Variants in RANBP17 observed in about 807,000 individuals in gnomAD.
The protein encoded by RANBP17 is RAN binding protein 17.
In RANBP17, 158 loss-of-function variants were observed where a neutral mutation model predicts 141.2. The observed-to-expected ratio is 1.12, with a 90% confidence interval of 0.98 to 1.28. RANBP17 has a LOEUF of 1.28. Ranked by LOEUF, RANBP17 falls within the 50% of genes most tolerant of loss-of-function variation. RANBP17 has a pLI of 0.00. For synonymous variants in RANBP17, 430 were observed against 450.0 expected, an observed-to-expected ratio of 0.96 and a Z score of 0.56; for missense variants, 1,438 against 1,290.7, an observed-to-expected ratio of 1.11 and a Z score of -1.75.
At chr5:171,241,236 C>T in intron 23 of RANBP17, 94 bp downstream of exon 23, 1 of 909,884 alleles carries the variant, frequency 1.1e-6, no homozygotes, top group African/African-American at 1.7e-5. Context: ...AGGGAGTTAG[C>T]CTAGAACATT....
intron 22 of RANBP17, among the ~76,000 whole-genome samples, chr5:171,225,723 G>A (rs189955576): frequency 2.1e-3 from 326 of 152,280 alleles, no homozygotes; most frequent in Non-Finnish European, 3.0e-3. Flanking sequence ...TGATCAGGGC[G>A]GTGCAGAGAG....
chr5:170,874,877 T>C (rs1465074539), intron 1 of RANBP17, among the ~76,000 whole-genome samples: 2 of 152,204 alleles, frequency 1.3e-5, no homozygotes. Flanking sequence ...ATCATGATGC[T>C]AGCTGGTTAT....
chr5:170,985,727 A>G (rs1267028086), intron 14 of RANBP17, among the ~76,000 whole-genome samples: 1 of 152,152 alleles, frequency 6.6e-6, no homozygotes, highest in African/African-American at 2.4e-5. Flanking sequence ...ATGTCATGCT[A>G]TTGTATAAAT....
intron 14 of RANBP17, among the ~76,000 whole-genome samples, chr5:171,120,190 C>G (rs1755928918): frequency 6.6e-6 from 1 of 152,140 alleles, no homozygotes; most frequent in Admixed American, 6.5e-5. Flanking sequence ...ACGTGCTGAG[C>G]CACCTGGAAC....
chr5:171,189,199 ATAAAATT>A (rs1761469598), intron 18 of RANBP17, among the ~76,000 whole-genome samples: 1 of 152,236 alleles, frequency 6.6e-6, no homozygotes, highest in Admixed American at 6.5e-5. Flanking sequence ...CTGGATATAA[ATAAAATT>A]TAAAATCATA....
chr5:171,114,685 G>A (rs575358082), intron 14 of RANBP17, among the ~76,000 whole-genome samples: 36 of 147,696 alleles, frequency 2.4e-4, no homozygotes, highest in Middle Eastern at 3.4e-3. Flanking sequence ...CATTTTAGAA[G>A]CATTATAGAG....
chr5:171,004,890 G>A (rs2127581837), intron 14 of RANBP17, among the ~76,000 whole-genome samples: 1 of 152,308 alleles, frequency 6.6e-6, no homozygotes, highest in Non-Finnish European at 1.5e-5. Flanking sequence ...GCCCCTGCGA[G>A]CTGTGGCTTG....
chr5:170,953,285 A>T (rs1775348753), intron 12 of RANBP17, among the ~76,000 whole-genome samples: 1 of 152,138 alleles, frequency 6.6e-6, no homozygotes, highest in African/African-American at 2.4e-5. Flanking sequence ...CATGGTAGAC[A>T]TTGTTTTTTC....
chr5:171,103,292 C>G (rs1323164008), intron 14 of RANBP17, among the ~76,000 whole-genome samples: 2 of 152,174 alleles, frequency 1.3e-5, no homozygotes, highest in Non-Finnish European at 2.9e-5. Flanking sequence ...TTTAGAGATG[C>G]CCTGCCCAGA....
chr5:171,067,972 C>T (rs1164603092), intron 14 of RANBP17, among the ~76,000 whole-genome samples: 1 of 151,922 alleles, frequency 6.6e-6, no homozygotes, highest in Non-Finnish European at 1.5e-5. Context: ...TTCCTTACTG[C>T]TCCTTTCTCC....
rs757315817 is a variant in RANBP17, at chr5:171,183,225, C to T, written c.1924C>T (p.His642Tyr). The change falls in exon 17 of 28, where the codon CAC (histidine) becomes TAC (tyrosine). Residue 642 changes from histidine to tyrosine, a missense_variant. By Grantham distance (83) the His-to-Tyr change is moderately conservative. Coordinates refer to ENST00000523189, the MANE Select transcript of RANBP17 (RefSeq NM_022897.5). Reference protein sequence around the residue: ...IDAVKFMLKNHTSEHFPFLGI... With the variant: ...IDAVKFMLKNYTSEHFPFLGI... ...TGCTGTGAAATTCATGCTAAAAAAC[C>T]ACACGGTAAGTCTTATTTCTTTAAT... is the stretch of plus-strand genomic sequence containing the variant. 6.4e-5 allele frequency: 102 copies of T among 1,599,060 alleles called. No individual in the cohort carries two copies. The highest frequency in any genetic ancestry group is 8.7e-5 in the Non-Finnish European group (101 of 1,166,678).
chr5:170,993,910 CAA>C (rs1778659539), intron 14 of RANBP17, among the ~76,000 whole-genome samples: 1 of 151,624 alleles, frequency 6.6e-6, no homozygotes, highest in Non-Finnish European at 1.5e-5. Flanking sequence ...ATTTTTTTTC[CAA>C]AATAAACTTG....
chr5:171,084,134 C>A (rs866336578), intron 14 of RANBP17, among the ~76,000 whole-genome samples: 20 of 139,104 alleles, frequency 1.4e-4, no homozygotes, highest in Middle Eastern at 7.4e-3. Flanking sequence ...ACCACAGTCC[C>A]CAGAGTGTGA....
chr5:171,137,247 C>T (rs1341935907), intron 14 of RANBP17, among the ~76,000 whole-genome samples: 1 of 152,072 alleles, frequency 6.6e-6, no homozygotes, highest in Non-Finnish European at 1.5e-5. Flanking sequence ...AGGTCTCTTA[C>T]AATTTGAAAG....
chr5:170,992,760 A>G (rs543943960), intron 14 of RANBP17, among the ~76,000 whole-genome samples: 3 of 151,960 alleles, frequency 2.0e-5, no homozygotes, highest in Non-Finnish European at 2.9e-5. Context: ...TAAGATTTTT[A>G]TGTATATCAA....
intron 20 of RANBP17, among the ~76,000 whole-genome samples, chr5:171,208,454 G>A (rs1762698148): frequency 6.6e-6 from 1 of 152,162 alleles, no homozygotes; most frequent in Non-Finnish European, 1.5e-5. Flanking sequence ...CAGTGCATCT[G>A]ATCTCCTTGT....
At chr5:170,862,775 A>G (rs1294078423) in intron 1 of RANBP17, among the ~76,000 whole-genome samples, 1 of 152,112 alleles carries the variant, frequency 6.6e-6, no homozygotes. Context: ...GCAAACATTT[A>G]TTATCTCCCC....
chr5:171,222,057 T>C (rs1763598468), intron 22 of RANBP17, among the ~76,000 whole-genome samples: 1 of 152,228 alleles, frequency 6.6e-6, no homozygotes, highest in Non-Finnish European at 1.5e-5. Context: ...TTGATGAATT[T>C]CTTTTGGATA....
chr5:171,170,576 G>T (rs1760031585), intron 15 of RANBP17, among the ~76,000 whole-genome samples: 1 of 152,054 alleles, frequency 6.6e-6, no homozygotes, highest in South Asian at 2.1e-4. Context: ...CATTGAGAGA[G>T]GTCTGATAGG....
Sources: allele counts gnomAD v4.1 joint callset (sites outside exome capture counted in the v4.1 genomes callset), GRCh38; gene constraint gnomAD v4.1.1; transcripts MANE v1.5; gene names NCBI Gene and HGNC (gene_info 2026-07-23, HGNC 2026-07-21).